Variants in GTF2IRD1 observed in about 807,000 individuals in gnomAD.
GTF2IRD1 encodes the protein GTF2I repeat domain containing 1, also known as general transcription factor II-I repeat domain-containing protein 1.
Under a neutral mutation model 113.2 loss-of-function variants are expected in GTF2IRD1, and 26 were observed. That is an observed-to-expected ratio of 0.23 (90% confidence interval 0.17 to 0.32). The LOEUF is 0.32. Ranked by LOEUF, GTF2IRD1 falls within the 10% of genes least tolerant of loss-of-function variation. GTF2IRD1 has a pLI of 1.00. For missense variants in GTF2IRD1, 864 were observed against 1,280.8 expected, an observed-to-expected ratio of 0.67 and a Z score of 4.97; for synonymous variants, 484 against 529.1, an observed-to-expected ratio of 0.91 and a Z score of 1.17.
At chr7:74,470,096 C>T (rs1474659356) in intron 1 of GTF2IRD1, among the ~76,000 whole-genome samples, 2 of 152,058 alleles carry the variant, frequency 1.3e-5, no homozygotes, top group Non-Finnish European at 2.9e-5. Context: ...TTCCCAGGCT[C>T]CAGCTATTCT....
chr7:74,559,250 C>A (rs1280086003), intron 21 of GTF2IRD1, among the ~76,000 whole-genome samples: 1 of 152,116 alleles, frequency 6.6e-6, no homozygotes, highest in Non-Finnish European at 1.5e-5. Flanking sequence ...GGACTGGTCA[C>A]CCCCCCATGG....
chr7:74,540,945 G>A (rs1161891160), intron 14 of GTF2IRD1, among the ~76,000 whole-genome samples: 2 of 151,740 alleles, frequency 1.3e-5, no homozygotes, highest in Admixed American at 1.3e-4. Flanking sequence ...TGTATTTTTA[G>A]TAGAGACGGG....
intron 1 of GTF2IRD1, among the ~76,000 whole-genome samples, chr7:74,471,791 A>G (rs1353915727): frequency 1.3e-5 from 2 of 151,294 alleles, no homozygotes; most frequent in African/African-American, 4.9e-5. Flanking sequence ...CAGGAGATTG[A>G]GACCATCCTG....
At chr7:74,572,923 C>T (rs149489822) in intron 22 of GTF2IRD1, among the ~76,000 whole-genome samples, 3 of 152,202 alleles carry the variant, frequency 2.0e-5, no homozygotes, top group African/African-American at 7.2e-5. Context: ...GCCCTACTGC[C>T]GGGCCCAGAG....
chr7:74,517,425 ACCTTTTT>A (rs1797005105), intron 4 of GTF2IRD1, among the ~76,000 whole-genome samples: 4 of 86,170 alleles, frequency 4.6e-5, no homozygotes, highest in Admixed American at 1.3e-4. Flanking sequence ...TCCTCCCTAC[ACCTTTTT>A]TTTTTTTTTT....
intron 9 of GTF2IRD1, among the ~76,000 whole-genome samples, chr7:74,531,619 C>T (rs1164061781): frequency 4.0e-5 from 6 of 151,222 alleles, no homozygotes; most frequent in Admixed American, 6.6e-5. Flanking sequence ...CAGTGGCTTA[C>T]GGCCTGTAAT....
intron 11 of GTF2IRD1, 97 bp downstream of exon 11, chr7:74,536,372 A>T: frequency 1.5e-6 from 1 of 685,538 alleles, no homozygotes; most frequent in Non-Finnish European, 2.6e-6. Context: ...GGCTCCCACC[A>T]CACCACCACC....
Position 74,577,110 on chromosome 7 carries a change from T to C in GTF2IRD1, c.2321-12741T>C, listed in dbSNP as rs1213390652. Among the ~76,000 whole-genome samples, 4 of 152,104 alleles carry C rather than the reference T, an allele frequency of 2.6e-5. No individual in the cohort carries two copies. The East Asian group carries it at 7.7e-4, about 29-fold the overall frequency. On this transcript the variant is annotated intron_variant, in intron 22 of 26. Coordinates refer to ENST00000424337, the MANE Select transcript of GTF2IRD1 (RefSeq NM_005685.4). ...TGGAGTGCAGTGGCGCAATCTCGGC[T>C]CACTGCAAGCTCTGCCTCCTGAGTT...
intron 10 of GTF2IRD1, among the ~76,000 whole-genome samples, chr7:74,535,821 C>T (rs1798259761): frequency 1.3e-5 from 2 of 152,234 alleles, no homozygotes; most frequent in African/African-American, 2.4e-5. Flanking sequence ...TCTTGTGATG[C>T]AGCCATGGGG....
chr7:74,549,551 G>A (rs1217626413), intron 17 of GTF2IRD1, among the ~76,000 whole-genome samples: 1 of 152,194 alleles, frequency 6.6e-6, no homozygotes, highest in Admixed American at 6.5e-5. Context: ...CAACAGGGCT[G>A]GAGAGCAAGA....
At chr7:74,506,300 G>C (rs1283413437) in intron 1 of GTF2IRD1, 2 of 152,230 alleles carry the variant, frequency 1.3e-5, no homozygotes, top group African/African-American at 4.8e-5. Context: ...ACTGGGCACT[G>C]GTCGGGATCC....
chr7:74,570,855 G>T (rs1297878687), intron 22 of GTF2IRD1, among the ~76,000 whole-genome samples: 1 of 152,094 alleles, frequency 6.6e-6, no homozygotes, highest in African/African-American at 2.4e-5. Flanking sequence ...AGGGGCTGTG[G>T]GGAGGACTAA....
chr7:74,514,967 G>C (rs1403466988), intron 3 of GTF2IRD1, among the ~76,000 whole-genome samples: 1 of 144,458 alleles, frequency 6.9e-6, no homozygotes, highest in African/African-American at 2.6e-5. Flanking sequence ...TGAGGCAGGA[G>C]AATCACTTGA....
intron 13 of GTF2IRD1, among the ~76,000 whole-genome samples, chr7:74,539,364 C>T (rs587734711): frequency 6.6e-6 from 1 of 152,240 alleles, no homozygotes; most frequent in Non-Finnish European, 1.5e-5. Flanking sequence ...AGGAGGATCA[C>T]TTGAGCCCAA....
Position 74,555,581 on chromosome 7 carries a change from G to A in GTF2IRD1, c.2023+87G>A. Reference sequence around the variant, plus strand: ...TTTGGAGGGCCAGGCTGGAAGTGGGGAGGAGCTGGCCCCCAACTTCAGGGC... The same window carrying A: ...TTTGGAGGGCCAGGCTGGAAGTGGGAAGGAGCTGGCCCCCAACTTCAGGGC... On this transcript the variant is annotated intron_variant, in intron 19 of 26. Transcript: ENST00000424337. The surrounding 1 kb of genome is among the most constrained non-coding windows in gnomAD (Gnocchi z 5.3). 2.3e-6 allele frequency: 2 copies of A among 866,568 alleles called. No homozygotes were observed. The highest frequency in any genetic ancestry group is 1.9e-6 in the Non-Finnish European group (1 of 523,462). The allele number at this position is 866,568 out of a possible 1,614,324, so 53.7% of individuals were successfully genotyped here.
At chr7:74,581,938 C>T (rs1367803779) in intron 22 of GTF2IRD1, among the ~76,000 whole-genome samples, 3 of 152,100 alleles carry the variant, frequency 2.0e-5, no homozygotes, top group Non-Finnish European at 4.4e-5. Context: ...GCTCAGGAGG[C>T]GGAGGTTACA....
intron 22 of GTF2IRD1, among the ~76,000 whole-genome samples, chr7:74,561,980 C>G: frequency 6.6e-6 from 1 of 152,126 alleles, no homozygotes; most frequent in Non-Finnish European, 1.5e-5. Flanking sequence ...CCTGCCAGCC[C>G]CTTTCCAGGC....
At chr7:74,493,518 G>A (rs1795483539) in intron 1 of GTF2IRD1, among the ~76,000 whole-genome samples, 1 of 152,112 alleles carries the variant, frequency 6.6e-6, no homozygotes. Context: ...AAGTGATTTT[G>A]CCATATAAGG....
chr7:74,557,691 G>A lies in GTF2IRD1; in HGVS notation c.2076G>A (p.Glu692=). ...SRIDIANTLR[E]QVQDLFNKKY... is the part of the protein sequence containing the mutation. The stretch of plus-strand genomic sequence containing the variant: ...TCGACATCGCCAACACACTAAGGGA[G>A]CAGGTCCAGGACCTTTTCAATAAGA... Residue 692 remains glutamate, a synonymous_variant, in exon 20 of 27, where the codon GAG becomes GAA. Transcript: ENST00000424337. The A allele has an allele frequency of 6.2e-7, 1 of 1,612,778 alleles. No individual in the cohort carries two copies. The highest frequency in any genetic ancestry group is 1.1e-5 in the South Asian group (1 of 91,048).
Sources: allele counts gnomAD v4.1 joint callset (sites outside exome capture counted in the v4.1 genomes callset), GRCh38; gene constraint gnomAD v4.1.1; non-coding constraint Gnocchi (gnomAD v3.1); transcripts MANE v1.5; gene names NCBI Gene and HGNC (gene_info 2026-07-23, HGNC 2026-07-21).